TAFA2: variants seen among roughly 807,000 people sequenced by gnomAD.
TAFA2 encodes the protein chemokine-like protein TAFA-2.
TAFA2 carries 7 observed loss-of-function variants against 18.8 expected under a neutral mutation model. That is an observed-to-expected ratio of 0.37 (90% CI 0.21 to 0.70). The LOEUF is 0.70. TAFA2 is among the 30% of genes least tolerant of loss of function. TAFA2 has a pLI of 0.53. For synonymous variants in TAFA2, 60 were observed against 54.2 expected, an observed-to-expected ratio of 1.11 and a Z score of -0.47; for missense variants, 122 against 158.1, an observed-to-expected ratio of 0.77 and a Z score of 1.23.
chr12:62,036,265 T>A (rs532354079), intron 1 of TAFA2, among the ~76,000 whole-genome samples: 1 of 152,234 alleles, frequency 6.6e-6, no homozygotes, highest in Non-Finnish European at 1.5e-5. Flanking sequence ...TGACCTTTAT[T>A]CTGCCAGCAA....
At chr12:62,213,480 T>C (rs560664793) in intron 1 of TAFA2, among the ~76,000 whole-genome samples, 8 of 152,172 alleles carry the variant, frequency 5.3e-5, no homozygotes, top group South Asian at 4.1e-4. Context: ...CCGTCTGTAC[T>C]AAAAATACAA....
At chr12:62,176,643 C>T (rs553580342) in intron 1 of TAFA2, among the ~76,000 whole-genome samples, 247 of 152,080 alleles carry the variant, frequency 1.6e-3, no homozygotes, top group African/African-American at 2.9e-3. Context: ...TACATAACAA[C>T]GCTTTTCATC....
At chr12:61,847,191 T>C (rs995413639) in intron 2 of TAFA2, among the ~76,000 whole-genome samples, 1 of 152,242 alleles carries the variant, frequency 6.6e-6, no homozygotes, top group Non-Finnish European at 1.5e-5. Context: ...GTTGTGATTA[T>C]ACACATGCAC....
At chr12:62,144,485 G>C (rs1443044123) in intron 1 of TAFA2, among the ~76,000 whole-genome samples, 1 of 152,012 alleles carries the variant, frequency 6.6e-6, no homozygotes, top group Non-Finnish European at 1.5e-5. Flanking sequence ...AAATCTAGTT[G>C]TATATTTGTG....
In TAFA2 at chr12:62,167,466, A is replaced by G. The variant is rs557345177; in HGVS notation, c.-2+23793T>C. Among the ~76,000 whole-genome samples, 186 of 152,268 alleles carry G rather than the reference A, an allele frequency of 1.2e-3. 3 individuals carry two copies. The highest frequency in any genetic ancestry group is 4.2e-3 in the African/African-American group (173 of 41,554). ...TTGTCATTCGGAGACTGTTGTATGT[A>G]CATTGCAGGATAAAACAAATAAACA... On this transcript the variant is annotated intron_variant, in intron 1 of 4. Coordinates refer to ENST00000416284, the MANE Select transcript of TAFA2 (RefSeq NM_178539.5).
chr12:62,052,414 A>G (rs1186533105), intron 1 of TAFA2, among the ~76,000 whole-genome samples: 3 of 151,722 alleles, frequency 2.0e-5, no homozygotes, highest in South Asian at 2.1e-4. Context: ...CTGGTCTTGA[A>G]CTCCTGGCCT....
At chr12:61,978,090 A>G (rs896433356) in intron 1 of TAFA2, among the ~76,000 whole-genome samples, 3 of 152,186 alleles carry the variant, frequency 2.0e-5, no homozygotes, top group East Asian at 1.9e-4. Flanking sequence ...TTAATGAGCT[A>G]CATGACTCTG....
At chr12:62,152,440 C>G (rs1053124934) in intron 1 of TAFA2, among the ~76,000 whole-genome samples, 34 of 152,312 alleles carry the variant, frequency 2.2e-4, no homozygotes, top group Admixed American at 2.2e-3. Flanking sequence ...AGAGATTTTA[C>G]TTATGCATGG....
intron 4 of TAFA2, among the ~76,000 whole-genome samples, chr12:61,750,618 AT>A (rs1342966490): frequency 6.6e-6 from 1 of 152,126 alleles, no homozygotes; most frequent in Non-Finnish European, 1.5e-5. Flanking sequence ...TCAGACCCTG[AT>A]TTGTAGTCAA....
intron 1 of TAFA2, among the ~76,000 whole-genome samples, chr12:62,090,586 A>G (rs1868668012): frequency 6.6e-6 from 1 of 152,038 alleles, no homozygotes; most frequent in Admixed American, 6.6e-5. Flanking sequence ...GGGGACAGAA[A>G]TAGAGTCACT....
intron 2 of TAFA2, among the ~76,000 whole-genome samples, chr12:61,772,672 A>T: frequency 6.6e-6 from 1 of 152,042 alleles, no homozygotes; most frequent in East Asian, 1.9e-4. Context: ...CTTTATGATT[A>T]AAACCCTCAG....
chr12:62,023,828 T>TC (rs1190680003), intron 1 of TAFA2: 1 of 152,094 alleles, frequency 6.6e-6, no homozygotes, highest in Non-Finnish European at 1.5e-5. Context: ...AACACAAATC[T>TC]CCCCCAAAAA....
chr12:61,910,593 G>A (rs1412141642), intron 1 of TAFA2, among the ~76,000 whole-genome samples: 1 of 152,158 alleles, frequency 6.6e-6, no homozygotes, highest in Non-Finnish European at 1.5e-5. Context: ...CTGCCATCAA[G>A]GAGCTCCCAT....
At chr12:61,896,219 GC>G (rs1487281959) in intron 1 of TAFA2, among the ~76,000 whole-genome samples, 1 of 152,074 alleles carries the variant, frequency 6.6e-6, no homozygotes, top group South Asian at 2.1e-4. Flanking sequence ...CTAAAACTTA[GC>G]CAAAGCTAAG....
At chr12:62,044,469 A>C (rs1254588236) in intron 1 of TAFA2, among the ~76,000 whole-genome samples, 1 of 152,128 alleles carries the variant, frequency 6.6e-6, no homozygotes, top group African/African-American at 2.4e-5. Flanking sequence ...CCAAGTGTGG[A>C]CATTTCCCAC....
rs557094186 is a variant in TAFA2 at position 62,125,276 on chromosome 12, T to C, written c.-2+65983A>G. ...TTAGAAATATCCAGGGACTGACTGA[T>C]TGAAAACAGAGCAGGAACCAAACCA... On this transcript the variant is annotated intron_variant, in intron 1 of 4. Coordinates refer to ENST00000416284, the MANE Select transcript of TAFA2 (RefSeq NM_178539.5). 2.5e-4 allele frequency among the ~76,000 whole-genome samples: 38 copies of C among 152,066 alleles called. 1 individual carries two copies. The highest frequency in any genetic ancestry group is 7.9e-4 in the African/African-American group (33 of 41,514).
chr12:61,720,556 T>C lies in TAFA2; in HGVS notation c.385-10139A>G, dbSNP rs527631662. ...CTTTCTTTACTGACCACTGAGGCAG[T>C]TCTTTGCCCTCTGACTCCCTAAAGC... is the stretch of plus-strand genomic sequence containing the variant. On this transcript the variant is annotated intron_variant, in intron 4 of 4. Transcript: ENST00000416284. 3 of 183,624 alleles carry C rather than the reference T, an allele frequency of 1.6e-5. No individual in the cohort carries two copies. The South Asian group carries it at 3.4e-4, about 21-fold the overall frequency. The allele number at this position is 183,624 out of a possible 1,614,324, so 11.4% of individuals were successfully genotyped here.
intron 1 of TAFA2, among the ~76,000 whole-genome samples, chr12:62,101,553 C>A (rs1565744570): frequency 6.6e-6 from 1 of 152,148 alleles, no homozygotes; most frequent in African/African-American, 2.4e-5. Flanking sequence ...AAGCAGGTTC[C>A]AAGGCAGCTC....
At chr12:62,185,836 A>C (rs1465888023) in intron 1 of TAFA2, among the ~76,000 whole-genome samples, 4 of 152,290 alleles carry the variant, frequency 2.6e-5, no homozygotes, top group Non-Finnish European at 4.4e-5. Flanking sequence ...TGCCCTCTCA[A>C]AGAATATATT....
Sources: allele counts gnomAD v4.1 joint callset (sites outside exome capture counted in the v4.1 genomes callset), GRCh38; gene constraint gnomAD v4.1.1; transcripts MANE v1.5; gene names NCBI Gene and HGNC (gene_info 2026-07-23, HGNC 2026-07-21).